Variants in TSC22D1 observed in about 807,000 individuals in gnomAD.
TSC22D1 encodes the protein TSC22 domain family protein 1.
TSC22D1 carries 9 observed loss-of-function variants against 74.2 expected under a neutral mutation model. That is an observed-to-expected ratio of 0.12 (90% CI 0.07 to 0.21). The LOEUF is 0.21. TSC22D1 is among the 10% of genes least tolerant of loss of function. The pLI, the probability that TSC22D1 is intolerant of heterozygous loss-of-function variation, is 1.00. For missense variants in TSC22D1, 1,427 were observed against 1,304.7 expected (o/e 1.09, Z -1.44); for synonymous variants, 586 against 492.5 (o/e 1.19, Z -2.51).
chr13:44,546,993 C>G (rs1426525334), intron 1 of TSC22D1, among the ~76,000 whole-genome samples: 1 of 152,076 alleles, frequency 6.6e-6, no homozygotes, highest in South Asian at 2.1e-4. Context: ...AACTCCTGGG[C>G]TTAAGTAATG....
At chr13:44,474,212 A>G in intron 1 of TSC22D1, 1 of 982,722 alleles carries the variant, frequency 1.0e-6, no homozygotes, top group Non-Finnish European at 1.2e-6. Flanking sequence ...ACAGTGAGGT[A>G]CTCACAGCAG....
At position 44,479,322 on chromosome 13, in the gene TSC22D1, AT is replaced by A. The variant is rs35004474; in HGVS notation, c.2913-43228del. ...TAAAACAGTATGAGATCTTTCTGTG[AT>A]TTTTTTTTTTTTTTTTTTAGCTCAC... is the stretch of plus-strand genomic sequence containing the variant. On this transcript the variant is annotated intron_variant, in intron 1 of 2. Coordinates refer to ENST00000458659, the MANE Select transcript of TSC22D1 (RefSeq NM_183422.4). 4.3e-3 allele frequency among the ~76,000 whole-genome samples: 583 copies of A among 134,052 alleles called. 2 individuals carry two copies. The highest frequency in any genetic ancestry group is 9.1e-3 in the African/African-American group (328 of 36,008). 87.9% of individuals were successfully genotyped at this position (134,052 alleles called of 152,430 possible).
intron 1 of TSC22D1, among the ~76,000 whole-genome samples, chr13:44,499,198 G>C (rs1448620785): frequency 6.6e-6 from 1 of 152,082 alleles, no homozygotes; most frequent in Non-Finnish European, 1.5e-5. Flanking sequence ...CAAATCATTT[G>C]GTTGGCATTA....
Position 44,574,992 on chromosome 13 carries a change from C to T in TSC22D1, c.1083G>A (p.Val361=). 2 of 1,614,142 alleles carry T rather than the reference C, an allele frequency of 1.2e-6. No individual in the cohort carries two copies. ...CATTGCCCATGCCACTCAAGATATT[C>T]ACATTAACACCACTGGTAACTCCAG... ...VGPGVTSGVN[V]NILSGMGNGT... Residue 361 remains valine, a synonymous_variant, in exon 1 of 3, where the codon GTG becomes GTA. Coordinates refer to ENST00000458659, the MANE Select transcript of TSC22D1 (RefSeq NM_183422.4).
Position 44,434,256 on chromosome 13 carries a change from T to A in TSC22D1, c.*370A>T, listed in dbSNP as rs1228656848. On this transcript the variant is annotated 3_prime_UTR_variant, in exon 3 of 3. Coordinates refer to ENST00000458659, the MANE Select transcript of TSC22D1 (RefSeq NM_183422.4). ...AGCTCCATCGCTTCACAACCCCATGTAGGACACTAAGCGCAAGCAGGAGAG... is the reference window on the plus strand; with the variant it reads ...AGCTCCATCGCTTCACAACCCCATGAAGGACACTAAGCGCAAGCAGGAGAG... 14 of 1,403,750 alleles carry A rather than the reference T, an allele frequency of 1.0e-5. No homozygotes were observed. Among genetic ancestry groups the A allele is most frequent in the Non-Finnish European group, 1.2e-5 (13 of 1,091,604 alleles). The allele number at this position is 1,403,750 out of a possible 1,614,324, so 87.0% of individuals were successfully genotyped here. A position where few individuals can be genotyped will look rare whatever the true frequency, so the allele number is the denominator to read the frequency against.
rs1233096077 is a variant in TSC22D1 at position 44,573,909 on chromosome 13, A to C, written c.2166T>G (p.Ala722=). The C allele has an allele frequency of 6.2e-7, 1 of 1,614,188 alleles. No homozygotes were observed. Among genetic ancestry groups the C allele is most frequent in the Admixed American group, 1.7e-5 (1 of 60,028 alleles). The change falls in exon 1 of 3, where the codon GCT becomes GCG. Residue 722 remains alanine, a synonymous_variant. Coordinates refer to ENST00000458659, the MANE Select transcript of TSC22D1 (RefSeq NM_183422.4). ...PVGQAPAAVS[A]VPTGSQIANI... is the part of the protein sequence containing the mutation. ...TTGCAATCTGACTGCCAGTAGGTAC[A>C]GCAGACACTGCTGCCGGAGCCTGGC...
chr13:44,576,888 A>C (rs764957374), upstream of TSC22D1, among the ~76,000 whole-genome samples: 1 of 151,932 alleles, frequency 6.6e-6, no homozygotes, highest in Admixed American at 6.5e-5. Context: ...ACTGGCAGCC[A>C]TGGAGCCCGA....
At chr13:44,473,058 A>C (rs1877699070) in intron 1 of TSC22D1, among the ~76,000 whole-genome samples, 1 of 152,200 alleles carries the variant, frequency 6.6e-6, no homozygotes, top group African/African-American at 2.4e-5. Flanking sequence ...GTGCAGGGGA[A>C]TTCCTCTTTT....
At chr13:44,471,279 C>T (rs979136997) in intron 1 of TSC22D1, among the ~76,000 whole-genome samples, 1 of 152,062 alleles carries the variant, frequency 6.6e-6, no homozygotes, top group Non-Finnish European at 1.5e-5. Flanking sequence ...AATACTCATG[C>T]TGACATTAGC....
rs1883936000 is a variant in TSC22D1 at position 44,573,576 on chromosome 13, T to C, written c.2499A>G (p.Thr833=). 4.3e-6 allele frequency: 7 copies of C among 1,614,216 alleles called. No individual in the cohort carries two copies. In the East Asian group the frequency reaches 1.6e-4, roughly 36 times the overall value. The change falls in exon 1 of 3, where the codon ACA becomes ACG. Residue 833 remains threonine, a synonymous_variant. Transcript: ENST00000458659. ...SLPSASSISV[T]SQVSSTGPSG... is the part of the protein sequence containing the mutation. ...AAGGACCAGTTGAACTAACCTGACT[T>C]GTAACAGAAATACTACTAGCAGAGG...
At chr13:44,556,543 C>CAA (rs142680365) in intron 1 of TSC22D1, among the ~76,000 whole-genome samples, 6 of 125,180 alleles carry the variant, frequency 4.8e-5, no homozygotes, top group South Asian at 2.6e-4. Flanking sequence ...GACGCCATCT[C>CAA]AAAAAAAAAA....
chr13:44,497,987 C>G (rs1337248285), intron 1 of TSC22D1, among the ~76,000 whole-genome samples: 1 of 151,998 alleles, frequency 6.6e-6, no homozygotes, highest in Non-Finnish European at 1.5e-5. Flanking sequence ...TCCTATCCCT[C>G]TGGGCTCACT....
intron 1 of TSC22D1, among the ~76,000 whole-genome samples, chr13:44,565,044 A>T (rs551474360): frequency 4.9e-4 from 74 of 152,132 alleles, no homozygotes; most frequent in Non-Finnish European, 9.0e-4. Flanking sequence ...TACATTTATG[A>T]CCTGTTGAGA....
intron 1 of TSC22D1, among the ~76,000 whole-genome samples, chr13:44,491,044 T>C (rs2137957520): frequency 6.6e-6 from 1 of 151,936 alleles, no homozygotes; most frequent in South Asian, 2.1e-4. Flanking sequence ...CACATGCCTG[T>C]GGTCCCAGCC....
At chr13:44,543,857 T>C (rs1881634093) in intron 1 of TSC22D1, among the ~76,000 whole-genome samples, 1 of 152,184 alleles carries the variant, frequency 6.6e-6, no homozygotes, top group Admixed American at 6.5e-5. Context: ...TTTGTGAAGC[T>C]GAGGTGGGCC....
intron 1 of TSC22D1, among the ~76,000 whole-genome samples, chr13:44,471,542 C>T (rs1253191231): frequency 1.3e-5 from 2 of 152,140 alleles, no homozygotes; most frequent in Admixed American, 1.3e-4. Flanking sequence ...ATTTCTATAT[C>T]TTTACTAAAC....
chr13:44,552,702 T>A (rs947250027), intron 1 of TSC22D1, among the ~76,000 whole-genome samples: 1 of 152,108 alleles, frequency 6.6e-6, no homozygotes, highest in South Asian at 2.1e-4. Flanking sequence ...GAAAATAAGG[T>A]GGTAGGCCGG....
In TSC22D1 at chr13:44,576,053, T is replaced by C. The variant is rs370120611; in HGVS notation, c.22A>G (p.Thr8Ala). 7.2e-4 allele frequency: 1,121 copies of C among 1,564,504 alleles called. 2 individuals are homozygous for C. The highest frequency in any genetic ancestry group is 8.7e-4 in the Non-Finnish European group (1,003 of 1,157,836). Residue 8 changes from threonine (T) to alanine (A), a missense_variant, in exon 1 of 3, where the codon ACC (threonine) becomes GCC (alanine). By Grantham distance (58) the Thr-to-Ala change is moderately conservative (BLOSUM62 0). Around this residue, in one of 3 missense-constraint regions of TSC22D1, gnomAD observed 1,343 missense variants for 1,191.5 expected, o/e 1.13. Transcript: ENST00000458659. MHQPPES[T>A]AAAAAAADIS... ...TCTGCAGCGGCGGCGGCCGCGGCGG[T>C]GGACTCAGGCGGCTGGTGCATTGTG...
chr13:44,441,472 T>C (rs918121412), intron 1 of TSC22D1, among the ~76,000 whole-genome samples: 1 of 152,178 alleles, frequency 6.6e-6, no homozygotes, highest in African/African-American at 2.4e-5. Context: ...CTTTTAAAAG[T>C]TAACTTTATT....
Sources: gnomAD v4.1 joint callset for allele counts (sites outside exome capture counted in the v4.1 genomes callset) on GRCh38, gnomAD v4.1.1 for gene constraint, gnomAD v4.1.1 regional missense constraint, MANE v1.5 for transcripts, NCBI Gene and HGNC (gene_info 2026-07-23, HGNC 2026-07-21) for gene names.